PDE11A: variants seen among roughly 807,000 people sequenced by gnomAD.
The protein encoded by PDE11A is phosphodiesterase 11A, also known as dual 3',5'-cyclic-AMP and -GMP phosphodiesterase 11A.
Under a neutral mutation model 100.5 loss-of-function variants are expected in PDE11A, and 100 were observed. That is an observed-to-expected ratio of 1.00 (90% confidence interval 0.85 to 1.18). The LOEUF (loss-of-function observed/expected upper bound fraction) is 1.18, where lower values mean the gene tolerates loss of function less well. Among genes scored for constraint, PDE11A ranks in the 50% most tolerant of loss-of-function variants. The probability of loss-of-function intolerance (pLI) is 0.00; values close to 1 mark genes in which losing one functional copy is unlikely to be tolerated. For synonymous variants in PDE11A, 381 were observed against 420.8 expected, an observed-to-expected ratio of 0.91 and a Z score of 1.16; for missense variants, 1,141 against 1,152.6, an observed-to-expected ratio of 0.99 and a Z score of 0.15.
chr2:177,960,565 G>A (rs34206020), intron 2 of PDE11A, among the ~76,000 whole-genome samples: 2 of 151,682 alleles, frequency 1.3e-5, no homozygotes, highest in Admixed American at 1.3e-4. Context: ...TGCCCAGGCT[G>A]CCCACACGAG....
chr2:177,852,452 G>T (rs1244527550), intron 5 of PDE11A, among the ~76,000 whole-genome samples: 2 of 152,102 alleles, frequency 1.3e-5, no homozygotes, highest in Non-Finnish European at 2.9e-5. Flanking sequence ...TCAATCTGAG[G>T]TTGGGTTCAC....
intron 15 of PDE11A, among the ~76,000 whole-genome samples, chr2:177,682,001 A>C (rs2080872779): frequency 6.6e-6 from 1 of 152,212 alleles, no homozygotes; most frequent in Admixed American, 6.5e-5. Flanking sequence ...TCCTTTTCCT[A>C]ATCCAGGGGA....
intron 19 of PDE11A, among the ~76,000 whole-genome samples, chr2:177,639,636 C>G (rs2080109137): frequency 6.6e-6 from 1 of 152,162 alleles, no homozygotes; most frequent in Admixed American, 6.5e-5. Context: ...TATTCCTGGG[C>G]CTTTGTTTTT....
At chr2:177,971,976 T>C (rs935249002) in intron 2 of PDE11A, among the ~76,000 whole-genome samples, 1 of 152,200 alleles carries the variant, frequency 6.6e-6, no homozygotes, top group Non-Finnish European at 1.5e-5. Context: ...TAGACACCAA[T>C]AGAGTCTCAT....
intron 2 of PDE11A, among the ~76,000 whole-genome samples, chr2:177,996,237 AAAAAAAAG>A (rs1305502470): frequency 4.6e-5 from 7 of 151,970 alleles, no homozygotes; most frequent in Non-Finnish European, 1.0e-4. Flanking sequence ...CAAATAAAAA[AAAAAAAAG>A]AAAAAGAAAA....
rs182010413 is a variant in PDE11A, at chr2:177,804,845, C to T, written c.1737+11984G>A. 1.2e-4 allele frequency among the ~76,000 whole-genome samples: 18 copies of T among 152,014 alleles called. No individual in the cohort carries two copies. In the East Asian group the frequency reaches 3.3e-3, roughly 28 times the overall value. ...ATTCAGAAACAGAAAAGGCAAATAA[C>T]ATATGCTCTCACTTATAAGTTGGAG... is the stretch of plus-strand genomic sequence containing the variant. On this transcript the variant is annotated intron_variant, in intron 9 of 19. Transcript: ENST00000286063.
At chr2:177,819,868 T>TC (rs60332687) in intron 7 of PDE11A, among the ~76,000 whole-genome samples, 5 of 139,188 alleles carry the variant, frequency 3.6e-5, no homozygotes, top group South Asian at 4.7e-4. Flanking sequence ...CTTTCTCTCT[T>TC]TCTCTCTCTC....
At chr2:177,788,999 A>G (rs2082586010) in intron 9 of PDE11A, among the ~76,000 whole-genome samples, 1 of 152,244 alleles carries the variant, frequency 6.6e-6, no homozygotes, top group African/African-American at 2.4e-5. Flanking sequence ...AAACTATTCC[A>G]ATCAACAGAA....
rs186230121 is a variant in PDE11A, at chr2:177,947,511, G to C, written c.1072-42324C>G. ...GAAACATGTGCTGTGTCCACTCAGCGTTGAATGGATTAAGGGCGGTGCAAG... is the reference window on the plus strand; with the variant it reads ...GAAACATGTGCTGTGTCCACTCAGCCTTGAATGGATTAAGGGCGGTGCAAG... On this transcript the variant is annotated intron_variant, in intron 2 of 19. Transcript: ENST00000286063. Among the ~76,000 whole-genome samples, 401 of 152,308 alleles carry C rather than the reference G, an allele frequency of 2.6e-3. 9 individuals carry two copies. In the South Asian group the frequency reaches 0.063, roughly 24 times the overall value.
intron 2 of PDE11A, among the ~76,000 whole-genome samples, chr2:177,938,016 CT>C (rs1247270127): frequency 5.3e-5 from 8 of 152,004 alleles, no homozygotes; most frequent in African/African-American, 1.9e-4. Flanking sequence ...GACCTCCAAC[CT>C]CAGGGATTAA....
rs972459651 is a variant in PDE11A, at chr2:177,806,756, T to C, written c.1737+10073A>G. 5.3e-5 allele frequency among the ~76,000 whole-genome samples: 8 copies of C among 152,148 alleles called. No homozygotes were observed. The South Asian group carries it at 1.4e-3, about 28-fold the overall frequency. On this transcript the variant is annotated intron_variant, in intron 9 of 19. Transcript: ENST00000286063. Reference sequence around the variant, plus strand: ...ACGAAATAACAATTATAAAGAATTATGTGTTAAAAATTTATAGAAGAAATT... The same window carrying C: ...ACGAAATAACAATTATAAAGAATTACGTGTTAAAAATTTATAGAAGAAATT...
chr2:178,036,476 G>A (rs912501216), intron 1 of PDE11A, among the ~76,000 whole-genome samples: 6 of 152,058 alleles, frequency 3.9e-5, no homozygotes, highest in African/African-American at 7.2e-5. Context: ...AATGCTATTC[G>A]CATCAAGCTA....
At position 177,675,469 on chromosome 2, in the gene PDE11A, C is replaced by T. The variant is rs542665122; in HGVS notation, c.2473G>A (p.Glu825Lys). Residue 825 changes from glutamate to lysine, a missense_variant, in exon 17 of 20, where the codon GAG becomes AAG. Transcript: ENST00000286063. The part of the protein sequence containing the change: ...CDLGAVTKPW[E>K]ISRQVAELVT... ...TCACCACTTGCCTGTCTGGAGATCTCCCACGGTTTGGTCACGGCTCCAAGG... is the reference window on the plus strand; with the variant it reads ...TCACCACTTGCCTGTCTGGAGATCTTCCACGGTTTGGTCACGGCTCCAAGG... 4 of 1,613,190 alleles carry T rather than the reference C, an allele frequency of 2.5e-6. No homozygotes were observed. The East Asian group carries it at 6.7e-5, about 27-fold the overall frequency.
intron 6 of PDE11A, among the ~76,000 whole-genome samples, chr2:177,829,218 G>C (rs1405739135): frequency 6.6e-6 from 1 of 152,134 alleles, no homozygotes; most frequent in East Asian, 1.9e-4. Flanking sequence ...ACTGTGGCCT[G>C]TGCTTTAGAC....
At chr2:177,859,089 C>T (rs892649216) in intron 5 of PDE11A, among the ~76,000 whole-genome samples, 3 of 151,926 alleles carry the variant, frequency 2.0e-5, no homozygotes, top group Non-Finnish European at 4.4e-5. Flanking sequence ...CACACCAGGG[C>T]CTGTCGTGGG....
At chr2:177,837,280 G>A (rs1574196877) in intron 6 of PDE11A, among the ~76,000 whole-genome samples, 1 of 152,188 alleles carries the variant, frequency 6.6e-6, no homozygotes, top group African/African-American at 2.4e-5. Context: ...GGATGTGGGT[G>A]TAGGACCCCA....
intron 2 of PDE11A, chr2:177,998,853 C>T (rs978028092): frequency 3.9e-5 from 24 of 609,892 alleles, no homozygotes; most frequent in South Asian, 3.9e-4. Context: ...TCCAAGCCCA[C>T]TACCTGCACT....
At chr2:177,932,635 C>G (rs891064986) in intron 2 of PDE11A, among the ~76,000 whole-genome samples, 2 of 152,056 alleles carry the variant, frequency 1.3e-5, no homozygotes, top group Admixed American at 6.6e-5. Flanking sequence ...TAAAAACCCT[C>G]AAGAAATTAG....
intron 2 of PDE11A, among the ~76,000 whole-genome samples, chr2:177,984,721 T>C (rs142839186): frequency 2.0e-5 from 3 of 152,220 alleles, no homozygotes; most frequent in Non-Finnish European, 4.4e-5. Flanking sequence ...AAAACCCCCA[T>C]GAGATTAGGA....
Sources: allele counts gnomAD v4.1 joint callset (sites outside exome capture counted in the v4.1 genomes callset), GRCh38; gene constraint gnomAD v4.1.1; transcripts MANE v1.5; gene names NCBI Gene and HGNC (gene_info 2026-07-23, HGNC 2026-07-21).